Variants in SPTLC2 observed in about 807,000 individuals in gnomAD.
SPTLC2 encodes serine palmitoyltransferase long chain base subunit 2, also known as serine palmitoyltransferase 2.
SPTLC2 carries 21 observed loss-of-function variants against 62.0 expected under a neutral mutation model. The observed-to-expected ratio is 0.34, with a 90% CI of 0.24 to 0.49. The LOEUF is 0.49. Ranked by LOEUF, SPTLC2 falls within the 20% of genes least tolerant of loss-of-function variation. The probability of loss-of-function intolerance (pLI) is 0.99; values close to 1 mark genes in which losing one functional copy is unlikely to be tolerated. For missense variants in SPTLC2, 511 were observed against 713.0 expected (o/e 0.72, Z 3.23); for synonymous variants, 261 against 261.8 (o/e 1.00, Z 0.03).
intron 5 of SPTLC2, among the ~76,000 whole-genome samples, chr14:77,564,996 T>C (rs1250359201): frequency 2.6e-5 from 4 of 151,870 alleles, no homozygotes; most frequent in African/African-American, 7.2e-5. Flanking sequence ...TCCCAGCACT[T>C]TGGGAGGCTG....
chr14:77,575,570 G>T (rs1288935797), intron 4 of SPTLC2, among the ~76,000 whole-genome samples: 1 of 152,200 alleles, frequency 6.6e-6, no homozygotes. Context: ...GTCTCACTCT[G>T]TCATGGGCTA....
intron 2 of SPTLC2, among the ~76,000 whole-genome samples, chr14:77,582,023 C>A (rs1046250831): frequency 7.9e-5 from 12 of 151,100 alleles, no homozygotes; most frequent in African/African-American, 2.9e-4. Context: ...AATGACAGTA[C>A]TGATTATCTC....
At chr14:77,550,010 G>GTA (rs2079547784) in intron 9 of SPTLC2, among the ~76,000 whole-genome samples, 1 of 152,164 alleles carries the variant, frequency 6.6e-6, no homozygotes, top group South Asian at 2.1e-4. Flanking sequence ...CTAGCTGTAT[G>GTA]TATATATATG....
rs374071600 is a variant in SPTLC2 at position 77,536,782 on chromosome 14, G to T, written c.1304-15201C>A. Among the ~76,000 whole-genome samples, 202 of 152,258 alleles carry T rather than the reference G, an allele frequency of 1.3e-3. 1 individual carries two copies. Among genetic ancestry groups the T allele is most frequent in the Non-Finnish European group, 2.4e-3 (161 of 68,010 alleles). ...TTTCTACCATTAGATCAGTGGTAAAGATAAAATACTACTAGTAAAAACTCC... is the reference window on the plus strand; with the variant it reads ...TTTCTACCATTAGATCAGTGGTAAATATAAAATACTACTAGTAAAAACTCC... On this transcript the variant is annotated intron_variant, in intron 9 of 11. Transcript: ENST00000216484.
intron 5 of SPTLC2, among the ~76,000 whole-genome samples, chr14:77,566,043 CTA>C (rs1051744146): frequency 3.9e-5 from 6 of 152,216 alleles, no homozygotes; most frequent in Admixed American, 1.3e-4. Context: ...GCATTCAACT[CTA>C]TCTTAAAAAG....
At chr14:77,536,191 G>A (rs2079469218) in intron 9 of SPTLC2, among the ~76,000 whole-genome samples, 1 of 152,136 alleles carries the variant, frequency 6.6e-6, no homozygotes, top group South Asian at 2.1e-4. Flanking sequence ...TTTCTGAGAT[G>A]ATGAAAAGGT....
intron 2 of SPTLC2, among the ~76,000 whole-genome samples, chr14:77,584,652 T>G (rs1201289479): frequency 6.6e-6 from 1 of 152,170 alleles, no homozygotes; most frequent in African/African-American, 2.4e-5. Flanking sequence ...CTGCCTCTTA[T>G]TTGGTGATGC....
At chr14:77,577,016 A>G (rs2079720114) in intron 3 of SPTLC2, 101 bp from the exon 4 acceptor site, 1 of 1,353,622 alleles carries the variant, frequency 7.4e-7, no homozygotes, top group African/African-American at 1.4e-5. Context: ...GAGAGAACAA[A>G]GTCTATATTA....
chr14:77,576,676 T>C (rs2079717606), intron 4 of SPTLC2, 91 bp downstream of exon 4: 1 of 1,547,790 alleles, frequency 6.5e-7, no homozygotes, highest in East Asian at 2.3e-5. Flanking sequence ...AAAGTGTAGA[T>C]ATTTAATACT....
intron 10 of SPTLC2, among the ~76,000 whole-genome samples, 187 bp from the exon 11 acceptor site, chr14:77,518,354 A>C (rs2079368971): frequency 6.6e-6 from 1 of 152,096 alleles, no homozygotes; most frequent in African/African-American, 2.4e-5. Context: ...GTCAATCCTA[A>C]AGCAGTCTTC....
chr14:77,590,433 A>G (rs2079809515), intron 2 of SPTLC2, among the ~76,000 whole-genome samples: 1 of 152,222 alleles, frequency 6.6e-6, no homozygotes, highest in Non-Finnish European at 1.5e-5. Flanking sequence ...TTGCTAGTCC[A>G]GGCTCAGTGG....
In SPTLC2 at chr14:77,529,733, G is replaced by A. The variant is rs145880752; in HGVS notation, c.1304-8152C>T. On this transcript the variant is annotated intron_variant, in intron 9 of 11. Transcript: ENST00000216484. ...CACCTCCTGGATTCAAGAGATTCTC[G>A]TGCCTCAGCCTCCCAAGTAGCTGGG... Among the ~76,000 whole-genome samples the A allele has an allele frequency of 6.8e-3, 996 of 146,862 alleles. 15 individuals carry two copies. The highest frequency in any genetic ancestry group is 0.023 in the African/African-American group (936 of 39,886).
chr14:77,598,715 T>C (rs1281979423), intron 1 of SPTLC2, among the ~76,000 whole-genome samples: 1 of 152,162 alleles, frequency 6.6e-6, no homozygotes, highest in African/African-American at 2.4e-5. Flanking sequence ...GCAGATAACT[T>C]GAGCCCAGGA....
intron 9 of SPTLC2, 47 bp from the exon 10 acceptor site, chr14:77,521,628 G>T: frequency 1.3e-6 from 2 of 1,575,020 alleles, no homozygotes; most frequent in Non-Finnish European, 8.7e-7. Flanking sequence ...AAGTAAAAAG[G>T]AATGGAAAAA....
At position 77,576,636 on chromosome 14, in the gene SPTLC2, GC is replaced by G. The variant is rs148802575; in HGVS notation, c.631+130del. On this transcript the variant is annotated intron_variant, in intron 4 of 11. Transcript: ENST00000216484. ...ATCCATCACACTTCAGAAAAACAAA[GC>G]ATTCTTCACCTTATCTAAATGACAT... The G allele has an allele frequency of 0.062, 79,862 of 1,285,844 alleles. 2,795 individuals carry two copies. The highest frequency in any genetic ancestry group is 0.097 in the Middle Eastern group (529 of 5,450). The allele number at this position is 1,285,844 out of a possible 1,614,324, so 79.7% of individuals were successfully genotyped here.
chr14:77,544,673 C>T (rs1198302555), intron 9 of SPTLC2, among the ~76,000 whole-genome samples: 1 of 152,154 alleles, frequency 6.6e-6, no homozygotes, highest in East Asian at 1.9e-4. Flanking sequence ...TCATTCTGAA[C>T]CTGACAAAGA....
At chr14:77,576,283 TAAAAC>T (rs2079715156) in intron 4 of SPTLC2, among the ~76,000 whole-genome samples, 1 of 152,346 alleles carries the variant, frequency 6.6e-6, no homozygotes, top group South Asian at 2.1e-4. Flanking sequence ...TTTACAAACT[TAAAAC>T]AATAATAAAA....
At chr14:77,558,622 T>C (rs1372369372) in intron 6 of SPTLC2, among the ~76,000 whole-genome samples, 5 of 103,662 alleles carry the variant, frequency 4.8e-5, no homozygotes, top group African/African-American at 3.0e-5. Context: ...CCTCCAGTTT[T>C]TTTGTTTTTT....
chr14:77,509,701 T>C lies in SPTLC2; in HGVS notation c.*2583A>G. The C allele has an allele frequency of 1.0e-5, 4 of 393,934 alleles. No homozygotes were observed. Among genetic ancestry groups the C allele is most frequent in the Non-Finnish European group, 1.8e-5 (4 of 223,562 alleles). The allele number at this position is 393,934 out of a possible 1,614,324, so 24.4% of individuals were successfully genotyped here. ...TGGATAAATGATGATACCTAGGATA[T>C]GACTGGACCCTAGATTTACATTACA... On this transcript the variant is annotated 3_prime_UTR_variant, in exon 12 of 12. Coordinates refer to ENST00000216484, the MANE Select transcript of SPTLC2 (RefSeq NM_004863.4).
Sources: gnomAD v4.1 joint callset for allele counts (sites outside exome capture counted in the v4.1 genomes callset) on GRCh38, gnomAD v4.1.1 for gene constraint, MANE v1.5 for transcripts, NCBI Gene and HGNC (gene_info 2026-07-23, HGNC 2026-07-21) for gene names.